Variants in CADM2 observed in about 807,000 individuals in gnomAD.
CADM2 encodes the protein cell adhesion molecule 2.
A neutral mutation model predicts 49.8 loss-of-function variants in CADM2; 12 were observed. That is an observed-to-expected ratio of 0.24 (90% confidence interval 0.15 to 0.39). The LOEUF is 0.39. Among genes scored for constraint, CADM2 ranks in the 10% least tolerant of loss-of-function variants. CADM2 has a pLI of 1.00. For synonymous variants in CADM2, 214 were observed against 175.4 expected (o/e 1.22, Z -1.74); for missense variants, 378 against 492.3 (o/e 0.77, Z 2.20).
intron 7 of CADM2, among the ~76,000 whole-genome samples, chr3:85,957,374 A>C (rs753404323): frequency 1.3e-5 from 2 of 151,764 alleles, no homozygotes; most frequent in African/African-American, 2.4e-5. Flanking sequence ...ACTTGTTATC[A>C]TATAATGCTC....
chr3:85,120,880 G>T (rs1020490006), intron 1 of CADM2, among the ~76,000 whole-genome samples: 2 of 152,114 alleles, frequency 1.3e-5, no homozygotes, highest in Non-Finnish European at 2.9e-5. Context: ...ATCTCAGCTG[G>T]TAAGATTCAC....
chr3:85,636,453 C>T (rs1027625566), intron 1 of CADM2, among the ~76,000 whole-genome samples: 2 of 151,742 alleles, frequency 1.3e-5, no homozygotes, highest in African/African-American at 4.8e-5. Flanking sequence ...CAAAAGAGTC[C>T]AAAATTTTAA....
In CADM2 at chr3:85,380,918, A is replaced by T. The variant is rs540718998; in HGVS notation, c.62-345604A>T. On this transcript the variant is annotated intron_variant, in intron 1 of 9. Coordinates refer to ENST00000383699, the MANE Select transcript of CADM2 (RefSeq NM_001167675.2). ...AAATTTCACATAATAGCAACACAGT[A>T]CATTTTTATTTATTGTATTAATGTA... is the stretch of plus-strand genomic sequence containing the variant. Among the ~76,000 whole-genome samples the T allele has an allele frequency of 1.1e-4, 17 of 152,218 alleles. No individual in the cohort carries two copies. The South Asian group carries it at 3.3e-3, about 30-fold the overall frequency.
intron 1 of CADM2, among the ~76,000 whole-genome samples, chr3:85,601,098 G>T (rs867759609): frequency 7.3e-6 from 1 of 136,636 alleles, no homozygotes; most frequent in Non-Finnish European, 1.6e-5. Flanking sequence ...AGTGCAAAAA[G>T]TAATTAATAT....
At chr3:85,560,612 C>A (rs924879501) in intron 1 of CADM2, among the ~76,000 whole-genome samples, 3 of 152,194 alleles carry the variant, frequency 2.0e-5, no homozygotes, top group African/African-American at 7.2e-5. Context: ...AAGTCAAATG[C>A]TGAATTGTGC....
chr3:85,783,118 AAGTAAGAAATAACC>A (rs2070756995), intron 2 of CADM2, among the ~76,000 whole-genome samples: 1 of 152,216 alleles, frequency 6.6e-6, no homozygotes, highest in Admixed American at 6.5e-5. Flanking sequence ...ATAAGAAGAT[AAGTAAGAAATAACC>A]AGTTTTCTTA....
At chr3:85,167,953 G>C (rs1262503544) in intron 1 of CADM2, among the ~76,000 whole-genome samples, 2 of 151,972 alleles carry the variant, frequency 1.3e-5, no homozygotes, top group Admixed American at 6.6e-5. Flanking sequence ...ATAACTGTTA[G>C]ACTCCCTGCA....
At chr3:85,529,910 T>G (rs2106946873) in intron 1 of CADM2, among the ~76,000 whole-genome samples, 1 of 152,286 alleles carries the variant, frequency 6.6e-6, no homozygotes, top group Non-Finnish European at 1.5e-5. Context: ...TTTTTTCTGT[T>G]AACAACTTAC....
At chr3:86,008,965 T>C (rs887516227) in intron 8 of CADM2, among the ~76,000 whole-genome samples, 1 of 151,354 alleles carries the variant, frequency 6.6e-6, no homozygotes, top group Non-Finnish European at 1.5e-5. Context: ...AATAAAATTA[T>C]TATAACGATG....
At chr3:85,078,356 TAC>T (rs2037030058) in intron 1 of CADM2, among the ~76,000 whole-genome samples, 1 of 151,958 alleles carries the variant, frequency 6.6e-6, no homozygotes, top group Non-Finnish European at 1.5e-5. Flanking sequence ...CTGTTCCTGC[TAC>T]AGATAGAAGG....
At chr3:85,531,771 A>T (rs1247446910) in intron 1 of CADM2, among the ~76,000 whole-genome samples, 2 of 152,260 alleles carry the variant, frequency 1.3e-5, no homozygotes, top group Non-Finnish European at 2.9e-5. Context: ...AAAATAAAAA[A>T]GTATATGAAA....
intron 1 of CADM2, among the ~76,000 whole-genome samples, chr3:84,966,932 T>C (rs1453050056): frequency 6.6e-6 from 1 of 152,004 alleles, no homozygotes; most frequent in Non-Finnish European, 1.5e-5. Context: ...ATACTTTTGC[T>C]TTCAGAAAAA....
At chr3:85,479,342 A>G (rs1467459564) in intron 1 of CADM2, among the ~76,000 whole-genome samples, 1 of 151,946 alleles carries the variant, frequency 6.6e-6, no homozygotes, top group Non-Finnish European at 1.5e-5. Flanking sequence ...GGAATGTGTT[A>G]AATGGAAACT....
At chr3:85,517,213 T>G (rs1453478615) in intron 1 of CADM2, among the ~76,000 whole-genome samples, 3 of 152,054 alleles carry the variant, frequency 2.0e-5, no homozygotes, top group African/African-American at 7.2e-5. Flanking sequence ...AATTTCAATT[T>G]TACTCACTTT....
At chr3:85,596,165 T>C (rs1207579805) in intron 1 of CADM2, among the ~76,000 whole-genome samples, 1 of 151,874 alleles carries the variant, frequency 6.6e-6, no homozygotes, top group Non-Finnish European at 1.5e-5. Flanking sequence ...ATATATTTTA[T>C]TTTATTACTT....
chr3:85,404,805 G>T (rs989262007), intron 1 of CADM2, among the ~76,000 whole-genome samples: 4 of 152,120 alleles, frequency 2.6e-5, no homozygotes, highest in Admixed American at 6.6e-5. Context: ...AATAGTGTTT[G>T]CTTACTTTGA....
At chr3:85,858,451 A>C (rs1298463480) in intron 3 of CADM2, among the ~76,000 whole-genome samples, 2 of 152,246 alleles carry the variant, frequency 1.3e-5, no homozygotes, top group Non-Finnish European at 2.9e-5. Flanking sequence ...GTAAACTAAC[A>C]TTGCAGATTA....
chr3:85,405,709 TA>T, intron 1 of CADM2, among the ~76,000 whole-genome samples: 1 of 152,162 alleles, frequency 6.6e-6, no homozygotes, highest in Non-Finnish European at 1.5e-5. Flanking sequence ...AGTTTTTTTT[TA>T]AATTTTAATT....
intron 1 of CADM2, among the ~76,000 whole-genome samples, chr3:85,340,052 G>A (rs894958088): frequency 1.3e-5 from 2 of 151,274 alleles, no homozygotes; most frequent in African/African-American, 4.8e-5. Context: ...CTATGGAGAA[G>A]TAAAAATAAC....
Sources: allele counts gnomAD v4.1 joint callset (sites outside exome capture counted in the v4.1 genomes callset), GRCh38; gene constraint gnomAD v4.1.1; transcripts MANE v1.5; gene names NCBI Gene and HGNC (gene_info 2026-07-23, HGNC 2026-07-21).